The following MCC variants were observed in gnomAD, a reference collection of about 807,000 sequenced individuals.
The protein encoded by MCC is MCC regulator of Wnt signaling pathway, also known as colorectal mutant cancer protein.
A neutral mutation model predicts 116.2 loss-of-function variants in MCC; 90 were observed. The ratio of observed to expected loss-of-function variants is 0.77; its 90% CI spans 0.65 to 0.92. The LOEUF is 0.92. Ranked by LOEUF, MCC falls within the 40% of genes least tolerant of loss-of-function variation. The pLI is 0.00. For missense variants in MCC, 1,516 were observed against 1,312.2 expected (o/e 1.16, Z -2.40); for synonymous variants, 578 against 510.5 (o/e 1.13, Z -1.78).
intron 2 of MCC, among the ~76,000 whole-genome samples, chr5:113,347,842 G>A (rs1354584500): frequency 1.3e-5 from 2 of 151,902 alleles, no homozygotes; most frequent in African/African-American, 2.4e-5. Context: ...CAAGAAACAC[G>A]CTTTACCTAT....
chr5:113,066,420 G>A (rs1283611359), intron 13 of MCC, among the ~76,000 whole-genome samples: 1 of 152,170 alleles, frequency 6.6e-6, no homozygotes, highest in Non-Finnish European at 1.5e-5. Context: ...AAAAGACCCT[G>A]AAAAATGAGG....
chr5:113,268,476 C>G (rs1413005945), intron 3 of MCC, among the ~76,000 whole-genome samples: 1 of 152,182 alleles, frequency 6.6e-6, no homozygotes, highest in Non-Finnish European at 1.5e-5. Context: ...CATTAGTAGT[C>G]TGACTCACTT....
chr5:113,126,180 T>C (rs1561378211), intron 5 of MCC, among the ~76,000 whole-genome samples: 1 of 152,168 alleles, frequency 6.6e-6, no homozygotes, highest in East Asian at 1.9e-4. Flanking sequence ...ACCATTAATG[T>C]TTGCTCCTAG....
At chr5:113,252,022 C>A (rs1764821644) in intron 3 of MCC, among the ~76,000 whole-genome samples, 1 of 152,148 alleles carries the variant, frequency 6.6e-6, no homozygotes, top group Non-Finnish European at 1.5e-5. Flanking sequence ...AAATAAAACC[C>A]CACCCTTTTT....
intron 3 of MCC, among the ~76,000 whole-genome samples, chr5:113,153,001 A>G (rs1054957385): frequency 6.6e-6 from 1 of 151,858 alleles, no homozygotes; most frequent in Non-Finnish European, 1.5e-5. Flanking sequence ...TCTTGTTGAG[A>G]TTGTTTTGTT....
chr5:113,273,381 T>C (rs1765685967), intron 3 of MCC, among the ~76,000 whole-genome samples: 1 of 152,198 alleles, frequency 6.6e-6, no homozygotes, highest in African/African-American at 2.4e-5. Flanking sequence ...CTTAGGAAAG[T>C]TGATATAAAG....
intron 3 of MCC, among the ~76,000 whole-genome samples, chr5:113,202,289 G>A (rs947537222): frequency 2.3e-4 from 35 of 151,830 alleles, no homozygotes; most frequent in African/African-American, 7.5e-4. Flanking sequence ...GAGTGCACAC[G>A]GAGCTTCTAT....
intron 3 of MCC, among the ~76,000 whole-genome samples, chr5:113,152,672 G>A (rs1759950834): frequency 6.6e-6 from 1 of 152,162 alleles, no homozygotes; most frequent in Admixed American, 6.5e-5. Flanking sequence ...GCTTCAGGGT[G>A]AGGGTGGGGT....
chr5:113,344,860 C>T (rs1333730212), intron 2 of MCC, among the ~76,000 whole-genome samples: 2 of 152,012 alleles, frequency 1.3e-5, no homozygotes, highest in African/African-American at 4.8e-5. Flanking sequence ...CTAGAACATT[C>T]CTACCTGTGG....
chr5:113,334,768 T>C (rs1767830817), intron 3 of MCC, among the ~76,000 whole-genome samples: 1 of 150,898 alleles, frequency 6.6e-6, no homozygotes, highest in South Asian at 2.1e-4. Flanking sequence ...TTTTTGTATT[T>C]TTAGTAGAGA....
chr5:113,107,956 A>C (rs1481734255), intron 6 of MCC, among the ~76,000 whole-genome samples: 1 of 152,130 alleles, frequency 6.6e-6, no homozygotes, highest in Non-Finnish European at 1.5e-5. Flanking sequence ...AGCAGAGTGC[A>C]AAGATGAATA....
chr5:113,262,577 A>C (rs1765256248), intron 3 of MCC, among the ~76,000 whole-genome samples: 1 of 152,196 alleles, frequency 6.6e-6, no homozygotes, highest in African/African-American at 2.4e-5. Flanking sequence ...CCCCATCATG[A>C]CCTTAATAGG....
chr5:113,440,956 T>C (rs1422604432), intron 1 of MCC, among the ~76,000 whole-genome samples: 3 of 152,222 alleles, frequency 2.0e-5, no homozygotes, highest in African/African-American at 7.2e-5. Context: ...TCTCCTCCTT[T>C]CTACCCCCTA....
intron 3 of MCC, among the ~76,000 whole-genome samples, chr5:113,280,112 C>G (rs1193701736): frequency 6.6e-6 from 1 of 152,168 alleles, no homozygotes; most frequent in African/African-American, 2.4e-5. Context: ...ACACCCAGAG[C>G]CAAGTTCAGA....
chr5:113,247,675 G>C (rs1422989465), intron 3 of MCC, among the ~76,000 whole-genome samples: 1 of 152,108 alleles, frequency 6.6e-6, no homozygotes, highest in Admixed American at 6.5e-5. Flanking sequence ...GATGGGGACC[G>C]GTCCACAGAG....
At chr5:113,090,479 C>A (rs1488213632) in intron 8 of MCC, among the ~76,000 whole-genome samples, 1 of 151,924 alleles carries the variant, frequency 6.6e-6, no homozygotes, top group African/African-American at 2.4e-5. Context: ...AATAATAGTA[C>A]AAAATAAAAA....
intron 2 of MCC, among the ~76,000 whole-genome samples, chr5:113,366,164 A>G (rs1215099075): frequency 6.6e-6 from 1 of 152,166 alleles, no homozygotes; most frequent in Non-Finnish European, 1.5e-5. Flanking sequence ...TTTAATTTCA[A>G]TTATAACATT....
rs1352045696 is a variant in MCC at position 113,126,489 on chromosome 5, T to C, written c.885-3663A>G. Among the ~76,000 whole-genome samples, 20 of 152,340 alleles carry C rather than the reference T, an allele frequency of 1.3e-4. No homozygotes were observed. The East Asian group carries it at 3.5e-3, about 26-fold the overall frequency. ...TATTTGAGCTGCATGAATCCATTTA[T>C]ATGCAAATTTTCTTTCCATAAATAT... On this transcript the variant is annotated intron_variant, in intron 5 of 18. Coordinates refer to ENST00000408903, the MANE Select transcript of MCC (RefSeq NM_001085377.2).
intron 1 of MCC, among the ~76,000 whole-genome samples, chr5:113,430,190 C>G (rs1770590881): frequency 6.6e-6 from 1 of 152,176 alleles, no homozygotes; most frequent in Non-Finnish European, 1.5e-5. Flanking sequence ...TTTTTCAACA[C>G]TAACTTGGAA....
Sources: gnomAD v4.1 joint callset for allele counts (sites outside exome capture counted in the v4.1 genomes callset) on GRCh38, gnomAD v4.1.1 for gene constraint, MANE v1.5 for transcripts, NCBI Gene and HGNC (gene_info 2026-07-23, HGNC 2026-07-21) for gene names.